Variants in PCDH9 observed in about 807,000 individuals in gnomAD.
The protein encoded by PCDH9 is protocadherin-9.
PCDH9 carries 24 observed loss-of-function variants against 70.6 expected under a neutral mutation model. The ratio of observed to expected loss-of-function variants is 0.34; its 90% CI spans 0.25 to 0.48. The LOEUF is 0.48. PCDH9 is among the 20% of genes least tolerant of loss of function. PCDH9 has a pLI of 0.99. For synonymous variants in PCDH9, 562 were observed against 558.5 expected (o/e 1.01, Z -0.09); for missense variants, 1,281 against 1,503.6 (o/e 0.85, Z 2.45).
chr13:66,416,634 A>AT (rs1384499582), intron 4 of PCDH9, among the ~76,000 whole-genome samples: 10 of 152,170 alleles, frequency 6.6e-5, no homozygotes, highest in African/African-American at 2.4e-4. Flanking sequence ...ATCATGGGGT[A>AT]TGCTTAGTGT....
intron 4 of PCDH9, among the ~76,000 whole-genome samples, chr13:66,383,579 A>G (rs1289826605): frequency 1.3e-5 from 2 of 152,232 alleles, no homozygotes; most frequent in Admixed American, 6.5e-5. Flanking sequence ...CATTGTAATC[A>G]TGGTTTTCAA....
intron 4 of PCDH9, among the ~76,000 whole-genome samples, chr13:66,405,157 A>AT (rs1475012148): frequency 1.3e-5 from 2 of 151,928 alleles, no homozygotes; most frequent in Non-Finnish European, 2.9e-5. Flanking sequence ...CATTTGCTCT[A>AT]TTTTTTTCTT....
intron 4 of PCDH9, among the ~76,000 whole-genome samples, chr13:66,427,338 A>G (rs1449237514): frequency 1.3e-5 from 2 of 151,750 alleles, no homozygotes; most frequent in African/African-American, 4.8e-5. Flanking sequence ...GCAGAAACTT[A>G]TTTAATTATT....
intron 3 of PCDH9, among the ~76,000 whole-genome samples, chr13:66,763,198 T>C (rs996984113): frequency 5.3e-5 from 8 of 151,832 alleles, no homozygotes; most frequent in African/African-American, 1.9e-4. Context: ...ATGACATATA[T>C]TTTATATATA....
intron 2 of PCDH9, among the ~76,000 whole-genome samples, chr13:67,147,534 T>C (rs1311069845): frequency 1.3e-5 from 2 of 152,168 alleles, no homozygotes; most frequent in African/African-American, 4.8e-5. Context: ...TGCCTTACAT[T>C]AAAGTGACCT....
intron 4 of PCDH9, among the ~76,000 whole-genome samples, chr13:66,376,601 G>GA (rs1263551841): frequency 6.6e-6 from 1 of 151,830 alleles, no homozygotes; most frequent in Non-Finnish European, 1.5e-5. Flanking sequence ...CCAAACAAAA[G>GA]AAAAAATACA....
At chr13:66,529,266 G>A (rs1343556834) in intron 4 of PCDH9, among the ~76,000 whole-genome samples, 1 of 152,098 alleles carries the variant, frequency 6.6e-6, no homozygotes, top group Non-Finnish European at 1.5e-5. Flanking sequence ...AAAAGGACTT[G>A]AAATGCACCA....
intron 3 of PCDH9, among the ~76,000 whole-genome samples, chr13:66,730,090 A>G (rs2079053068): frequency 6.6e-6 from 1 of 152,180 alleles, no homozygotes; most frequent in Admixed American, 6.5e-5. Flanking sequence ...CCATTATACT[A>G]CTTCTGTAGA....
At chr13:67,193,130 A>C (rs769066117) in intron 2 of PCDH9, among the ~76,000 whole-genome samples, 22 of 152,264 alleles carry the variant, frequency 1.4e-4, no homozygotes, top group Non-Finnish European at 3.1e-4. Context: ...ATTGGTTTGG[A>C]ACCCAATAAA....
At chr13:66,634,621 G>C (rs1462030305) in intron 3 of PCDH9, among the ~76,000 whole-genome samples, 1 of 151,996 alleles carries the variant, frequency 6.6e-6, no homozygotes, top group Non-Finnish European at 1.5e-5. Flanking sequence ...AGTGTTCCTG[G>C]TATGCAATAC....
intron 4 of PCDH9, among the ~76,000 whole-genome samples, chr13:66,403,962 G>C (rs1957233880): frequency 6.6e-6 from 1 of 152,078 alleles, no homozygotes; most frequent in Admixed American, 6.6e-5. Flanking sequence ...CATACAAAGA[G>C]AACAATTGAT....
At chr13:66,824,745 C>T (rs1398364723) in intron 3 of PCDH9, among the ~76,000 whole-genome samples, 1 of 148,422 alleles carries the variant, frequency 6.7e-6, no homozygotes, top group African/African-American at 2.5e-5. Flanking sequence ...TATATACACA[C>T]ACACATACAT....
At chr13:66,670,191 G>A (rs933131151) in intron 3 of PCDH9, among the ~76,000 whole-genome samples, 1 of 152,156 alleles carries the variant, frequency 6.6e-6, no homozygotes, top group Non-Finnish European at 1.5e-5. Context: ...TGATGGAAAT[G>A]TCTCTGTCTT....
chr13:66,632,725 A>G (rs2077587602), intron 3 of PCDH9, among the ~76,000 whole-genome samples: 2 of 152,136 alleles, frequency 1.3e-5, no homozygotes, highest in African/African-American at 4.8e-5. Context: ...GGCCTTAGAG[A>G]ATTGTATGAG....
chr13:66,973,175 C>T (rs2083554566), intron 2 of PCDH9, among the ~76,000 whole-genome samples: 2 of 151,916 alleles, frequency 1.3e-5, no homozygotes, highest in Admixed American at 1.3e-4. Flanking sequence ...ACATTTTGTT[C>T]TTGTGGCTTC....
chr13:66,341,378 G>C (rs914037281), intron 4 of PCDH9, among the ~76,000 whole-genome samples: 1 of 152,108 alleles, frequency 6.6e-6, no homozygotes, highest in African/African-American at 2.4e-5. Flanking sequence ...ACAAGCATGA[G>C]CCACCATGCC....
intron 2 of PCDH9, among the ~76,000 whole-genome samples, chr13:66,940,096 A>G (rs2082983730): frequency 6.6e-6 from 1 of 152,204 alleles, no homozygotes; most frequent in African/African-American, 2.4e-5. Flanking sequence ...GCAAGAAATA[A>G]TACCATTTGA....
rs951720694 is a variant in PCDH9, at chr13:66,984,246, T to C, written c.3037-80641A>G. Among the ~76,000 whole-genome samples the C allele has an allele frequency of 6.6e-5, 10 of 152,298 alleles. No homozygotes were observed. The South Asian group carries it at 2.1e-3, about 32-fold the overall frequency. On this transcript the variant is annotated intron_variant, in intron 2 of 4. Coordinates refer to ENST00000377865, the MANE Select transcript of PCDH9 (RefSeq NM_203487.3). ...AGGGAAATTGCTCACCATATATTTC[T>C]TTAAAAATGGCTGGAATAACATTTG...
At chr13:66,468,903 C>CACAAAGATATA (rs1958564272) in intron 4 of PCDH9, among the ~76,000 whole-genome samples, 3 of 152,024 alleles carry the variant, frequency 2.0e-5, no homozygotes, top group African/African-American at 2.4e-5. Flanking sequence ...AGTCAGGCTG[C>CACAAAGATATA]ACCCAAGGAA....
Sources: allele counts gnomAD v4.1 joint callset (sites outside exome capture counted in the v4.1 genomes callset), GRCh38; gene constraint gnomAD v4.1.1; transcripts MANE v1.5; gene names NCBI Gene and HGNC (gene_info 2026-07-23, HGNC 2026-07-21).